The following ELP4 variants were observed in gnomAD, a reference collection of about 807,000 sequenced individuals.
ELP4 encodes elongator complex protein 4.
In ELP4, 51 loss-of-function variants were observed where a neutral mutation model predicts 48.9. The ratio of observed to expected loss-of-function variants is 1.04; its 90% CI spans 0.83 to 1.32. ELP4 has a LOEUF of 1.32. ELP4 is among the 40% of genes most tolerant of loss of function. The pLI, the probability that ELP4 is intolerant of heterozygous loss-of-function variation, is 0.00. For missense variants in ELP4, 519 were observed against 514.6 expected (o/e 1.01, Z -0.08); for synonymous variants, 210 against 189.2 (o/e 1.11, Z -0.90).
intron 9 of ELP4, among the ~76,000 whole-genome samples, chr11:31,782,451 A>G (rs1490206559): frequency 2.6e-5 from 4 of 152,142 alleles, no homozygotes; most frequent in Non-Finnish European, 5.9e-5. Context: ...AGCCTCCCAC[A>G]CCACTTTGTG....
chr11:31,570,029 T>C (rs1290415646), intron 3 of ELP4, among the ~76,000 whole-genome samples: 1 of 152,004 alleles, frequency 6.6e-6, no homozygotes, highest in Non-Finnish European at 1.5e-5. Context: ...CGGAGGAAAA[T>C]AAATCATTCT....
chr11:31,739,445 A>G, intron 9 of ELP4, among the ~76,000 whole-genome samples: 1 of 152,154 alleles, frequency 6.6e-6, no homozygotes, highest in Middle Eastern at 3.2e-3. Context: ...CCCATGGTAG[A>G]CACGCTATGG....
At chr11:31,688,405 G>A (rs1946207267) in intron 9 of ELP4, among the ~76,000 whole-genome samples, 2 of 152,068 alleles carry the variant, frequency 1.3e-5, no homozygotes. Flanking sequence ...CATAACCCAA[G>A]TAATTGAATT....
chr11:31,783,526 G>A lies in ELP4; in HGVS notation c.*2G>A, dbSNP rs780173430. On this transcript the variant is annotated 3_prime_UTR_variant, in exon 10 of 10. Coordinates refer to ENST00000640961, the MANE Select transcript of ELP4 (RefSeq NM_019040.5). ...GGCAAGAAGCACCTGGACTTCTAGGGATTCCTCCTTAGTCGCTGCATGCAG... is the reference window on the plus strand; with the variant it reads ...GGCAAGAAGCACCTGGACTTCTAGGAATTCCTCCTTAGTCGCTGCATGCAG... 1 of 1,613,468 alleles carries A rather than the reference G, an allele frequency of 6.2e-7. No homozygotes were observed. Among genetic ancestry groups the A allele is most frequent in the African/African-American group, 1.3e-5 (1 of 75,000 alleles).
chr11:31,724,908 C>A (rs539286119), intron 9 of ELP4, among the ~76,000 whole-genome samples: 30 of 152,290 alleles, frequency 2.0e-4, no homozygotes, highest in African/African-American at 7.0e-4. Context: ...AAAATCTCCT[C>A]TGCTTTTTTC....
At chr11:31,666,004 CTTT>C (rs35902758) in intron 9 of ELP4, among the ~76,000 whole-genome samples, 3 of 85,330 alleles carry the variant, frequency 3.5e-5, no homozygotes, top group Non-Finnish European at 4.3e-5. Context: ...GTTTCAAATT[CTTT>C]TTTTTTTTTT....
intron 3 of ELP4, among the ~76,000 whole-genome samples, chr11:31,548,858 CA>C (rs1351776127): frequency 2.0e-5 from 3 of 152,170 alleles, no homozygotes; most frequent in African/African-American, 7.2e-5. Context: ...TGATCTTTGA[CA>C]AACCTGAGAA....
chr11:31,519,685 C>T (rs1452297275), intron 1 of ELP4, among the ~76,000 whole-genome samples: 1 of 151,950 alleles, frequency 6.6e-6, no homozygotes, highest in Non-Finnish European at 1.5e-5. Flanking sequence ...ATTAGCCAGG[C>T]GTGGTAGTGG....
intron 3 of ELP4, among the ~76,000 whole-genome samples, chr11:31,550,314 T>C (rs572601644): frequency 6.6e-6 from 1 of 152,168 alleles, no homozygotes; most frequent in Admixed American, 6.5e-5. Flanking sequence ...AAATGCAGAA[T>C]TTGGCGCATG....
At chr11:31,714,347 G>T (rs1404684511) in intron 9 of ELP4, among the ~76,000 whole-genome samples, 1 of 152,028 alleles carries the variant, frequency 6.6e-6, no homozygotes, top group African/African-American at 2.4e-5. Context: ...AAATTGTAAA[G>T]AAAAATTTTT....
chr11:31,676,555 G>A (rs543633547), intron 9 of ELP4, among the ~76,000 whole-genome samples: 1 of 152,280 alleles, frequency 6.6e-6, no homozygotes, highest in South Asian at 2.1e-4. Flanking sequence ...GTATGTCTCA[G>A]TTTCTCTCAA....
chr11:31,751,822 A>G (rs1045831024), intron 9 of ELP4, among the ~76,000 whole-genome samples: 2 of 152,164 alleles, frequency 1.3e-5, no homozygotes, highest in Non-Finnish European at 2.9e-5. Context: ...CTACTAACCT[A>G]GAAGTCATCC....
intron 7 of ELP4, among the ~76,000 whole-genome samples, chr11:31,645,118 T>C (rs1332317835): frequency 3.3e-5 from 5 of 151,774 alleles, no homozygotes; most frequent in Admixed American, 3.3e-4. Flanking sequence ...CTTGTACTAA[T>C]ACTTTATGGA....
chr11:31,690,474 A>G (rs948570524), intron 9 of ELP4, among the ~76,000 whole-genome samples: 1 of 152,130 alleles, frequency 6.6e-6, no homozygotes, highest in Non-Finnish European at 1.5e-5. Context: ...GATTATTTCT[A>G]CTAAAATGTG....
intron 3 of ELP4, among the ~76,000 whole-genome samples, chr11:31,566,370 A>G (rs573786487): frequency 6.6e-6 from 1 of 152,100 alleles, no homozygotes; most frequent in African/African-American, 2.4e-5. Flanking sequence ...AAAAAAAAAA[A>G]GATTCATTCT....
chr11:31,722,593 T>G (rs1014192224), intron 9 of ELP4, among the ~76,000 whole-genome samples: 6 of 151,970 alleles, frequency 3.9e-5, no homozygotes, highest in Non-Finnish European at 8.8e-5. Context: ...GGTCCTGTGG[T>G]TCAAAAAACC....
At chr11:31,680,092 A>G (rs1946024873) in intron 9 of ELP4, among the ~76,000 whole-genome samples, 1 of 152,044 alleles carries the variant, frequency 6.6e-6, no homozygotes, top group African/African-American at 2.4e-5. Context: ...TTCTACAATC[A>G]TAGAGGGCAG....
chr11:31,533,526 G>A (rs1202458928), intron 2 of ELP4, among the ~76,000 whole-genome samples: 2 of 150,092 alleles, frequency 1.3e-5, no homozygotes, highest in East Asian at 2.0e-4. Flanking sequence ...TACATGCGCC[G>A]GCCATCAAGC....
At chr11:31,780,313 C>T (rs1049687874) in intron 9 of ELP4, among the ~76,000 whole-genome samples, 5 of 152,176 alleles carry the variant, frequency 3.3e-5, no homozygotes, top group Non-Finnish European at 7.3e-5. Context: ...TCTCGTTCTT[C>T]CTCGCTGTTT....
Sources: allele counts gnomAD v4.1 joint callset (sites outside exome capture counted in the v4.1 genomes callset), GRCh38; gene constraint gnomAD v4.1.1; transcripts MANE v1.5; gene names NCBI Gene and HGNC (gene_info 2026-07-23, HGNC 2026-07-21).